The following GNB4 variants were observed in gnomAD, a reference collection of about 807,000 sequenced individuals.
GNB4 encodes G protein subunit beta 4, also known as guanine nucleotide-binding protein subunit beta-4.
In GNB4, 28 loss-of-function variants were observed where a neutral mutation model predicts 45.2. That is an observed-to-expected ratio of 0.62 (90% CI 0.46 to 0.85). The LOEUF is 0.85. Among genes scored for constraint, GNB4 ranks in the 40% least tolerant of loss-of-function variants. The pLI is 0.00. For missense variants in GNB4, 321 were observed against 425.4 expected, an observed-to-expected ratio of 0.75 and a Z score of 2.16; for synonymous variants, 132 against 143.7, an observed-to-expected ratio of 0.92 and a Z score of 0.58.
rs1357808487 is a variant in GNB4 at position 179,435,441 on chromosome 3, T to C, written c.-42-9199A>G. Among the ~76,000 whole-genome samples, 3 of 128,038 alleles carry C rather than the reference T, an allele frequency of 2.3e-5. No homozygotes were observed. In the East Asian group the frequency reaches 6.6e-4, roughly 28 times the overall value. 84.0% of individuals were successfully genotyped at this position (128,038 alleles called of 152,430 possible). A position where few individuals can be genotyped will look rare whatever the true frequency, so the allele number is the denominator to read the frequency against. ...GAGGAAGCAAAGCTAAAGAGGAATA[T>C]GAGATACACACACCATTCCTTTCTT... is the stretch of plus-strand genomic sequence containing the variant. On this transcript the variant is annotated intron_variant, in intron 1 of 9. Coordinates refer to ENST00000232564, the MANE Select transcript of GNB4 (RefSeq NM_021629.4).
At chr3:179,484,836 A>ATGTGTGTGTGTGTG in the GNB4 span, among the ~76,000 whole-genome samples, 37 of 147,086 alleles carry the variant, frequency 2.5e-4, no homozygotes, top group African/African-American at 7.8e-4. Flanking sequence ...AGCTATATAT[A>ATGTGTGTGTGTGTG]TGTGTGTGTG....
chr3:179,465,042 G>A, the GNB4 span: 4 of 1,501,250 alleles, frequency 2.7e-6, no homozygotes, highest in Admixed American at 3.4e-5. Context: ...ATATCTTATC[G>A]ATATACTTCC....
the GNB4 span, among the ~76,000 whole-genome samples, chr3:179,525,580 G>A: frequency 5.4e-4 from 83 of 152,310 alleles, no homozygotes; most frequent in Middle Eastern, 3.4e-3. Flanking sequence ...AGGTGTCCCC[G>A]TGGTGATCAG....
the GNB4 span, among the ~76,000 whole-genome samples, chr3:179,480,596 C>T: frequency 6.6e-6 from 1 of 152,084 alleles, no homozygotes; most frequent in Non-Finnish European, 1.5e-5. Context: ...ACTTCACCCC[C>T]CAACCCCATC....
the GNB4 span, among the ~76,000 whole-genome samples, chr3:179,527,136 C>T: frequency 6.6e-6 from 1 of 152,120 alleles, no homozygotes; most frequent in Non-Finnish European, 1.5e-5. Flanking sequence ...TCAATGACTT[C>T]TGCTGGCAGG....
chr3:179,470,545 T>C, the GNB4 span, among the ~76,000 whole-genome samples: 1 of 149,482 alleles, frequency 6.7e-6, no homozygotes, highest in Non-Finnish European at 1.5e-5. Context: ...AAGAAAAAAA[T>C]ATATATATAT....
the GNB4 span, among the ~76,000 whole-genome samples, chr3:179,489,019 A>AAAAAATAT: frequency 4.7e-5 from 1 of 21,386 alleles, no homozygotes; most frequent in Non-Finnish European, 7.7e-5. Context: ...AAAAAAAAAA[A>AAAAAATAT]ATATATATAT....
At chr3:179,430,243 G>A (rs1017541055) in intron 1 of GNB4, among the ~76,000 whole-genome samples, 16 of 151,852 alleles carry the variant, frequency 1.1e-4, no homozygotes, top group African/African-American at 3.6e-4. Context: ...GCACTACCAC[G>A]TCAAGCTAAT....
At chr3:179,454,509 G>A (rs1440008065), upstream of GNB4, among the ~76,000 whole-genome samples, 1 of 152,152 alleles carries the variant, frequency 6.6e-6, no homozygotes, top group Non-Finnish European at 1.5e-5. Flanking sequence ...GCTTCACTAT[G>A]ATCAAGTTCA....
chr3:179,476,553 C>CT, the GNB4 span, among the ~76,000 whole-genome samples: 3 of 152,230 alleles, frequency 2.0e-5, no homozygotes, highest in Non-Finnish European at 4.4e-5. Context: ...TCTTGTAACT[C>CT]TAACTCCACA....
At chr3:179,522,319 A>G in the GNB4 span, among the ~76,000 whole-genome samples, 3 of 142,604 alleles carry the variant, frequency 2.1e-5, no homozygotes, top group African/African-American at 6.1e-5. Flanking sequence ...CCCCCTTTTG[A>G]CTGTAATTTT....
intron 2 of GNB4, 38 bp downstream of exon 2, chr3:179,426,106 T>A: frequency 2.6e-6 from 4 of 1,541,690 alleles, no homozygotes; most frequent in Non-Finnish European, 3.6e-6. Flanking sequence ...TTCCTGGTAC[T>A]AAATAAGTGC....
At chr3:179,429,880 C>CT (rs1715254282) in intron 1 of GNB4, among the ~76,000 whole-genome samples, 1 of 152,158 alleles carries the variant, frequency 6.6e-6, no homozygotes, top group East Asian at 1.9e-4. Flanking sequence ...ATTTAAATTC[C>CT]TTTGCAATCT....
the GNB4 span, among the ~76,000 whole-genome samples, chr3:179,518,353 A>G: frequency 6.6e-6 from 1 of 152,108 alleles, no homozygotes; most frequent in African/African-American, 2.4e-5. Context: ...TCTTTTACAC[A>G]TGGTTCCCTC....
intron 1 of GNB4, among the ~76,000 whole-genome samples, chr3:179,428,110 A>G (rs1287485453): frequency 1.3e-5 from 2 of 152,244 alleles, no homozygotes; most frequent in Non-Finnish European, 2.9e-5. Flanking sequence ...CAAAAAGAAA[A>G]GAAAAACCAG....
chr3:179,418,269 A>C lies in GNB4; in HGVS notation c.203+1130T>G, dbSNP rs550535495. Among the ~76,000 whole-genome samples, 14 of 152,064 alleles carry C rather than the reference A, an allele frequency of 9.2e-5. 1 individual carries two copies. Among genetic ancestry groups the C allele is most frequent in the Non-Finnish European group, 1.9e-4 (13 of 68,004 alleles). On this transcript the variant is annotated intron_variant, in intron 4 of 9. Coordinates refer to ENST00000232564, the MANE Select transcript of GNB4 (RefSeq NM_021629.4). ...TGGATCACCTGAGGTCAGGAGTTCA[A>C]GACCAGGCTGGCTAACATGGTGAAA...
chr3:179,472,095 TA>T, the GNB4 span, among the ~76,000 whole-genome samples: 1 of 152,030 alleles, frequency 6.6e-6, no homozygotes, highest in Non-Finnish European at 1.5e-5. Context: ...AAAAACTCAC[TA>T]AACGTAAAGG....
At chr3:179,485,341 T>C in the GNB4 span, among the ~76,000 whole-genome samples, 1 of 152,078 alleles carries the variant, frequency 6.6e-6, no homozygotes, top group East Asian at 1.9e-4. Flanking sequence ...ATAACTACTA[T>C]GAATAATGAA....
At chr3:179,481,753 C>T in the GNB4 span, among the ~76,000 whole-genome samples, 1 of 152,282 alleles carries the variant, frequency 6.6e-6, no homozygotes, top group Non-Finnish European at 1.5e-5. Flanking sequence ...GTTTAAATGT[C>T]AAATATATTT....
Sources: gnomAD v4.1 joint callset for allele counts (sites outside exome capture counted in the v4.1 genomes callset) on GRCh38, gnomAD v4.1.1 for gene constraint, MANE v1.5 for transcripts, NCBI Gene and HGNC (gene_info 2026-07-23, HGNC 2026-07-21) for gene names.